The following PCDHA1 variants were observed in gnomAD, a reference collection of about 807,000 sequenced individuals.
The protein encoded by PCDHA1 is protocadherin alpha 1, also known as protocadherin alpha-1.
Under a neutral mutation model 61.3 loss-of-function variants are expected in PCDHA1, and 42 were observed. The observed-to-expected ratio is 0.69, with a 90% confidence interval of 0.54 to 0.89. The LOEUF (loss-of-function observed/expected upper bound fraction) is 0.89. Ranked by LOEUF, PCDHA1 falls within the 40% of genes least tolerant of loss-of-function variation. PCDHA1 has a pLI of 0.00. For missense variants in PCDHA1, 1,256 were observed against 1,235.3 expected (o/e 1.02, Z -0.25); for synonymous variants, 610 against 553.8 (o/e 1.10, Z -1.43).
At chr5:140,829,688 T>C in intron 1 of PCDHA1, 1 of 1,613,234 alleles carries the variant, frequency 6.2e-7, no homozygotes, top group Non-Finnish European at 8.5e-7. Flanking sequence ...GCTGCTGCAG[T>C]TTCAGGTGAG....
chr5:140,872,873 A>G (rs1419569928), intron 1 of PCDHA1, among the ~76,000 whole-genome samples: 1 of 152,204 alleles, frequency 6.6e-6, no homozygotes, highest in African/African-American at 2.4e-5. Flanking sequence ...GACAATTATC[A>G]GTTTCATTCA....
At chr5:140,870,667 T>C (rs251372) in intron 1 of PCDHA1, 777,079 of 1,612,370 alleles carry the variant, frequency 0.48, 188,810 homozygotes, top group South Asian at 0.57. Context: ...GCTGCAGCCG[T>C]TGGACCACGA....
At chr5:140,800,959 AAAG>A (rs1762619775) in intron 1 of PCDHA1, 6 of 1,175,172 alleles carry the variant, frequency 5.1e-6, no homozygotes, top group Non-Finnish European at 5.5e-6. Flanking sequence ...CATACAAGGA[AAAG>A]AAGATACGTT....
intron 1 of PCDHA1, chr5:140,802,128 G>A (rs782244607): frequency 1.2e-6 from 2 of 1,614,194 alleles, no homozygotes; most frequent in East Asian, 2.2e-5. Context: ...CATAGATTTC[G>A]AGGAAAGTAA....
intron 1 of PCDHA1, among the ~76,000 whole-genome samples, chr5:140,909,254 G>A (rs915513119): frequency 6.6e-6 from 1 of 152,334 alleles, no homozygotes; most frequent in East Asian, 1.9e-4. Context: ...TGCTGGCCTT[G>A]CTGACTGAAG....
At chr5:140,822,973 T>G in intron 1 of PCDHA1, 1 of 1,614,248 alleles carries the variant, frequency 6.2e-7, no homozygotes, top group Non-Finnish European at 8.5e-7. Context: ...GGTGTCCACC[T>G]TCAAGAATTA....
rs183895134 is a variant in PCDHA1, at chr5:140,837,381, G to A, written c.2394+48697G>A. Among the ~76,000 whole-genome samples the A allele has an allele frequency of 4.0e-3, 608 of 151,774 alleles. 11 individuals carry two copies. Among genetic ancestry groups the A allele is most frequent in the African/African-American group, 0.014 (587 of 41,372 alleles). On this transcript the variant is annotated intron_variant, in intron 1 of 3. Transcript: ENST00000504120. ...GCAGTTTAATAGTATTTTTTATTTTGTTCCTTGTTTGTATAAGAAATATAT... is the reference window on the plus strand; with the variant it reads ...GCAGTTTAATAGTATTTTTTATTTTATTCCTTGTTTGTATAAGAAATATAT...
At position 140,796,804 on chromosome 5, in the gene PCDHA1, G is replaced by T. The variant is rs143010081; in HGVS notation, c.2394+8120G>T. On this transcript the variant is annotated intron_variant, in intron 1 of 3. Coordinates refer to ENST00000504120, the MANE Select transcript of PCDHA1 (RefSeq NM_018900.4). Reference sequence around the variant, plus strand: ...GTGGCTTTCGTACGAGCTTCAGCTGGGTACTGGCAGCGCTCGCATCCCGTT... The same window carrying T: ...GTGGCTTTCGTACGAGCTTCAGCTGTGTACTGGCAGCGCTCGCATCCCGTT... The T allele has an allele frequency of 9.7e-4, 1,569 of 1,614,136 alleles. 2 individuals carry two copies. Among genetic ancestry groups the T allele is most frequent in the Non-Finnish European group, 1.3e-3 (1,475 of 1,179,976 alleles).
chr5:140,861,636 CA>C, intron 1 of PCDHA1: 1 of 303,242 alleles, frequency 3.3e-6, no homozygotes. Flanking sequence ...CTCAGCAACA[CA>C]AAAGAATCTG....
Position 140,862,422 on chromosome 5 carries a change from A to G in PCDHA1, c.2394+73738A>G, listed in dbSNP as rs76178077. On this transcript the variant is annotated intron_variant, in intron 1 of 3. Transcript: ENST00000504120. Reference sequence around the variant, plus strand: ...TGTCTACCTTCAAAAGGCGCTGCCCAGAAACTATTCGTTGGTACTCCACAG... The same window carrying G: ...TGTCTACCTTCAAAAGGCGCTGCCCGGAAACTATTCGTTGGTACTCCACAG... The G allele has an allele frequency of 2.5e-3, 872 of 353,812 alleles. 5 individuals are homozygous for G. Among genetic ancestry groups the G allele is most frequent in the African/African-American group, 0.018 (823 of 46,772 alleles). The allele number at this position is 353,812 out of a possible 1,614,324, so 21.9% of individuals were successfully genotyped here.
chr5:140,970,751 T>G (rs2096430046), intron 1 of PCDHA1, among the ~76,000 whole-genome samples: 1 of 152,232 alleles, frequency 6.6e-6, no homozygotes, highest in African/African-American at 2.4e-5. Flanking sequence ...GCAATATATT[T>G]TCATTGACAT....
At position 140,883,732 on chromosome 5, in the gene PCDHA1, G is replaced by T. The variant is rs17844355; in HGVS notation, c.2394+95048G>T. The stretch of plus-strand genomic sequence containing the variant: ...AGGACGCGGACGCACAGGAGAACGC[G>T]CTGGTCTCCTACTCGCTGGTGGAGC... On this transcript the variant is annotated intron_variant, in intron 1 of 3. Transcript: ENST00000504120. The T allele has an allele frequency of 3.9e-4, 630 of 1,613,452 alleles. 2 individuals are homozygous for T. The East Asian group carries it at 0.013, about 33-fold the overall frequency.
chr5:140,823,814 G>C (rs782047530), intron 1 of PCDHA1: 4 of 1,613,762 alleles, frequency 2.5e-6, no homozygotes, highest in Non-Finnish European at 3.4e-6. Flanking sequence ...GCCTCATCGC[G>C]GGCGTCGGCG....
chr5:140,820,585 G>GT (rs1302579717), intron 1 of PCDHA1, among the ~76,000 whole-genome samples: 1 of 151,962 alleles, frequency 6.6e-6, no homozygotes, highest in African/African-American at 2.4e-5. Flanking sequence ...ATTAAGTGAA[G>GT]TTTACTAAAT....
At position 140,928,347 on chromosome 5, in the gene PCDHA1, G is replaced by A. The variant is rs139222568; in HGVS notation, c.2395-50602G>A. 5 of 1,614,148 alleles carry A rather than the reference G, an allele frequency of 3.1e-6. No homozygotes were observed. The African/African-American group carries it at 5.3e-5, about 17-fold the overall frequency. On this transcript the variant is annotated intron_variant, in intron 1 of 3. Coordinates refer to ENST00000504120, the MANE Select transcript of PCDHA1 (RefSeq NM_018900.4). ...ATGGCCTTGTCTCTTATGAGCTGTT[G>A]GATGTTATCTCTGAAGGGCCATCAG...
rs1465776999 is a variant in PCDHA1 at position 140,824,628 on chromosome 5, TTTTTA to T, written c.2394+35949_2394+35953del. ...AATTAAAGTTTTTTTTTTTTTTTTT[TTTTTA>T]TTTTCTGTAGAGATAGGGGTCTTGC... On this transcript the variant is annotated intron_variant, in intron 1 of 3. Coordinates refer to ENST00000504120, the MANE Select transcript of PCDHA1 (RefSeq NM_018900.4). The T allele has an allele frequency of 8.8e-4, 116 of 131,430 alleles. 1 individual carries two copies. Among genetic ancestry groups the T allele is most frequent in the African/African-American group, 3.0e-3 (87 of 28,634 alleles). 8.1% of individuals were successfully genotyped at this position (131,430 alleles called of 1,614,324 possible). A position where few individuals can be genotyped will look rare whatever the true frequency, so the allele number is the denominator to read the frequency against.
At chr5:140,977,096 G>A (rs1401413424) in intron 1 of PCDHA1, among the ~76,000 whole-genome samples, 1 of 152,182 alleles carries the variant, frequency 6.6e-6, no homozygotes, top group East Asian at 1.9e-4. Flanking sequence ...TGTGTCATTG[G>A]GGAAGTGAGA....
chr5:140,876,498 C>T, intron 1 of PCDHA1: 4 of 1,613,918 alleles, frequency 2.5e-6, no homozygotes, highest in Non-Finnish European at 2.5e-6. Flanking sequence ...AAGTTCTGGA[C>T]GTGAATGACA....
rs2150247025 is a variant in PCDHA1, at chr5:140,835,871, G to A, written c.2394+47187G>A. 23 of 1,611,942 alleles carry A rather than the reference G, an allele frequency of 1.4e-5. No individual in the cohort carries two copies. The South Asian group carries it at 2.4e-4, about 17-fold the overall frequency. On this transcript the variant is annotated intron_variant, in intron 1 of 3. Transcript: ENST00000504120. ...CGCTGGTGTCCTACTCGCTGGTGGA[G>A]CTGCGGGTGGGCGAGCGCGCGCTGT...
Sources: gnomAD v4.1 joint callset for allele counts (sites outside exome capture counted in the v4.1 genomes callset) on GRCh38, gnomAD v4.1.1 for gene constraint, MANE v1.5 for transcripts, NCBI Gene and HGNC (gene_info 2026-07-23, HGNC 2026-07-21) for gene names.